RBFOX1: variants seen among roughly 807,000 people sequenced by gnomAD.
RBFOX1 encodes the protein RNA binding fox-1 homolog 1, also known as RNA binding protein fox-1 homolog 1.
A neutral mutation model predicts 57.7 loss-of-function variants in RBFOX1; 8 were observed. That is an observed-to-expected ratio of 0.14 (90% CI 0.08 to 0.25). RBFOX1 has a LOEUF of 0.25. RBFOX1 is among the 10% of genes least tolerant of loss of function. The probability of loss-of-function intolerance (pLI) is 1.00; values close to 1 mark genes in which losing one functional copy is unlikely to be tolerated. For synonymous variants in RBFOX1, 326 were observed against 222.4 expected (o/e 1.47, Z -4.15); for missense variants, 611 against 548.5 (o/e 1.11, Z -1.14).
intron 4 of RBFOX1, among the ~76,000 whole-genome samples, chr16:7,362,298 T>C (rs1368862665): frequency 2.5e-5 from 1 of 40,482 alleles, no homozygotes; most frequent in African/African-American, 1.1e-4. Flanking sequence ...TGTATGTTTT[T>C]CGTGTGTTTG....
intron 3 of RBFOX1, among the ~76,000 whole-genome samples, chr16:5,785,615 C>G (rs1475217642): frequency 6.6e-6 from 1 of 152,080 alleles, no homozygotes; most frequent in East Asian, 1.9e-4. Flanking sequence ...GCAACCTCTG[C>G]CTCCTGGGTT....
chr16:7,302,060 A>G lies in RBFOX1; in HGVS notation c.28-216087A>G, dbSNP rs377081169. On this transcript the variant is annotated intron_variant, in intron 4 of 15. Coordinates refer to ENST00000550418, the MANE Select transcript of RBFOX1 (RefSeq NM_018723.4). Reference sequence around the variant, plus strand: ...AACTAACCACTGCCAGCACCCCCCAATAAAAGCAGTACAGAATAGCAGCCT... The same window carrying G: ...AACTAACCACTGCCAGCACCCCCCAGTAAAAGCAGTACAGAATAGCAGCCT... Among the ~76,000 whole-genome samples the G allele has an allele frequency of 1.1e-4, 17 of 152,276 alleles. No homozygotes were observed. The East Asian group carries it at 2.1e-3, about 19-fold the overall frequency.
intron 2 of RBFOX1, among the ~76,000 whole-genome samples, chr16:6,357,516 C>T (rs1054994535): frequency 6.6e-6 from 1 of 151,976 alleles, no homozygotes; most frequent in African/African-American, 2.4e-5. Flanking sequence ...GGGTGTCTAG[C>T]CTTTTTTACT....
chr16:6,240,990 T>C (rs2097537272), intron 1 of RBFOX1, among the ~76,000 whole-genome samples: 1 of 152,220 alleles, frequency 6.6e-6, no homozygotes, highest in Non-Finnish European at 1.5e-5. Flanking sequence ...AGATACTCCT[T>C]CTGACCACCT....
chr16:5,844,592 G>A (rs2056704866), intron 3 of RBFOX1, among the ~76,000 whole-genome samples: 1 of 152,058 alleles, frequency 6.6e-6, no homozygotes, highest in Non-Finnish European at 1.5e-5. Flanking sequence ...GTGTCCAAGG[G>A]AAAAAGGAAG....
chr16:7,691,627 C>G (rs767245984), intron 14 of RBFOX1, among the ~76,000 whole-genome samples: 3 of 152,082 alleles, frequency 2.0e-5, no homozygotes, highest in Non-Finnish European at 4.4e-5. Flanking sequence ...TCTATTCATA[C>G]TTGTAGGTTG....
rs535067864 is a variant in RBFOX1 at position 5,714,649 on chromosome 16, G to T, written c.318+115688G>T. On this transcript the variant is annotated intron_variant, in intron 3 of 19. Coordinates refer to the RBFOX1 transcript ENST00000641259. ...ATACAAGAAAGATGTGCTTAGTAAC[G>T]GTTTTCATTTGTCATCTCTGCAAGA... is the stretch of plus-strand genomic sequence containing the variant. 3.9e-5 allele frequency among the ~76,000 whole-genome samples: 6 copies of T among 152,256 alleles called. No homozygotes were observed. The East Asian group carries it at 1.2e-3, about 29-fold the overall frequency.
At position 7,436,909 on chromosome 16, in the gene RBFOX1, A is replaced by C. The variant is rs1598393658; in HGVS notation, c.28-81238A>C. Among the ~76,000 whole-genome samples, 8 of 152,240 alleles carry C rather than the reference A, an allele frequency of 5.3e-5. 1 individual carries two copies. The South Asian group carries it at 1.7e-3, about 32-fold the overall frequency. On this transcript the variant is annotated intron_variant, in intron 4 of 15. Coordinates refer to ENST00000550418, the MANE Select transcript of RBFOX1 (RefSeq NM_018723.4). ...AAGCCCCATCACTACTAAAAATACA[A>C]AAAAATAAATAAATAAATAAAAATA...
intron 4 of RBFOX1, among the ~76,000 whole-genome samples, chr16:5,942,766 C>A (rs1361159494): frequency 6.6e-6 from 1 of 152,136 alleles, no homozygotes; most frequent in African/African-American, 2.4e-5. Context: ...TAGATCAGAT[C>A]TCTCTCACTG....
chr16:5,991,691 C>T lies in RBFOX1; in HGVS notation c.351+124356C>T, dbSNP rs989885008. On this transcript the variant is annotated intron_variant, in intron 4 of 19. Coordinates refer to the RBFOX1 transcript ENST00000641259. ...TCTTTTTTTGGAAGTTCTATAACTT[C>T]TGTGGGGAAGTTTGCTCTGTGAGTT... Among the ~76,000 whole-genome samples the T allele has an allele frequency of 1.1e-4, 14 of 128,746 alleles. No individual in the cohort carries two copies. In the South Asian group the frequency reaches 2.5e-3, roughly 23 times the overall value. The allele number at this position is 128,746 out of a possible 152,430, so 84.5% of individuals were successfully genotyped here. A position where few individuals can be genotyped will look rare whatever the true frequency, so the allele number is the denominator to read the frequency against.
chr16:7,127,106 C>T (rs1383549784), intron 4 of RBFOX1, among the ~76,000 whole-genome samples: 3 of 150,348 alleles, frequency 2.0e-5, no homozygotes, highest in African/African-American at 4.8e-5. Context: ...CTGAGGGGAG[C>T]ACTTCATGTG....
intron 4 of RBFOX1, among the ~76,000 whole-genome samples, chr16:7,120,786 G>C (rs1483827418): frequency 8.0e-6 from 1 of 125,474 alleles, no homozygotes; most frequent in Non-Finnish European, 1.7e-5. Context: ...ACATTAATCT[G>C]ATACGAAAAC....
chr16:7,358,887 C>T (rs1039708401), intron 4 of RBFOX1, among the ~76,000 whole-genome samples: 2 of 152,186 alleles, frequency 1.3e-5, no homozygotes, highest in African/African-American at 4.8e-5. Context: ...AGACATGAGA[C>T]AGTAAGACCA....
At chr16:7,563,518 A>T (rs2090934357) in intron 5 of RBFOX1, among the ~76,000 whole-genome samples, 1 of 152,132 alleles carries the variant, frequency 6.6e-6, no homozygotes, top group African/African-American at 2.4e-5. Context: ...CCCAGGCTGG[A>T]GTGCAATGGC....
chr16:7,653,783 GCT>G (rs3217052), intron 11 of RBFOX1, 30 bp from the exon 12 acceptor site: 360 of 1,484,266 alleles, frequency 2.4e-4, no homozygotes, highest in East Asian at 5.9e-4. Context: ...GACAGCCTGT[GCT>G]CTCTCTCTCT....
chr16:7,478,999 G>C (rs1009015423), intron 4 of RBFOX1, among the ~76,000 whole-genome samples: 2 of 151,980 alleles, frequency 1.3e-5, no homozygotes, highest in Non-Finnish European at 2.9e-5. Context: ...TCACTTAGAC[G>C]TACCAGCCAC....
At chr16:7,665,968 C>T (rs993828133) in intron 13 of RBFOX1, among the ~76,000 whole-genome samples, 5 of 152,168 alleles carry the variant, frequency 3.3e-5, no homozygotes, top group Non-Finnish European at 2.9e-5. Context: ...TCTACTATTG[C>T]ATCAAGTATA....
chr16:5,801,910 G>A (rs925327301), intron 3 of RBFOX1, among the ~76,000 whole-genome samples: 23 of 152,250 alleles, frequency 1.5e-4, no homozygotes, highest in Admixed American at 1.4e-3. Context: ...AGGAAATGGA[G>A]CATAAAGGAA....
chr16:7,616,593 T>C (rs921075422), intron 10 of RBFOX1, among the ~76,000 whole-genome samples: 14 of 152,190 alleles, frequency 9.2e-5, no homozygotes, highest in Non-Finnish European at 1.9e-4. Flanking sequence ...ATGGAGTCTC[T>C]CACTCTGTCA....
Sources: allele counts gnomAD v4.1 joint callset (sites outside exome capture counted in the v4.1 genomes callset), GRCh38; gene constraint gnomAD v4.1.1; transcripts MANE v1.5; gene names NCBI Gene and HGNC (gene_info 2026-07-23, HGNC 2026-07-21).